The following VSIG4 variants were observed in gnomAD, a reference collection of about 807,000 sequenced individuals.
The protein encoded by VSIG4 is V-set and immunoglobulin domain containing 4.
Under a neutral mutation model 23.4 loss-of-function variants are expected in VSIG4, and 34 were observed. The observed-to-expected ratio is 1.45, with a 90% CI of 1.10 to 1.93. The LOEUF (loss-of-function observed/expected upper bound fraction) is 1.93. Ranked by LOEUF, VSIG4 falls within the 30% of genes most tolerant of loss-of-function variation. The pLI, the probability that VSIG4 is intolerant of heterozygous loss-of-function variation, is 0.00. For missense variants in VSIG4, 433 were observed against 310.8 expected, an observed-to-expected ratio of 1.39 and a Z score of -2.96; for synonymous variants, 169 against 120.3, an observed-to-expected ratio of 1.41 and a Z score of -2.65.
intron 1 of VSIG4, among the ~76,000 whole-genome samples, chrX:66,036,347 G>A (rs2085540016): frequency 9.3e-6 from 1 of 107,999 alleles, no homozygotes; most frequent in Admixed American, 1.0e-4. Context: ...CCAAAGTGAA[G>A]TAAACCACAA....
rs773046752 is a variant in VSIG4 at position 66,022,165 on chromosome X, G to A, written c.*98C>T. ...CCAGTGTTGGTAGGCGGACACTTTG[G>A]GCTATCCAGGAAGAGAGGTAGCAGG... On this transcript the variant is annotated 3_prime_UTR_variant, in exon 8 of 8. Transcript: ENST00000374737. 1.1e-5 allele frequency: 13 copies of A among 1,204,577 alleles called. No individual in the cohort carries two copies. Among genetic ancestry groups the A allele is most frequent in the South Asian group, 1.8e-5 (1 of 55,977 alleles).
chrX:66,027,305 C>T (rs1214497054), intron 5 of VSIG4, 144 bp downstream of exon 5: 3 of 518,570 alleles, frequency 5.8e-6, no homozygotes, highest in Non-Finnish European at 1.0e-5. Flanking sequence ...TTTACCCATC[C>T]TCAGTGCCCT....
In VSIG4 at chrX:66,032,722, G is replaced by T. The variant is rs1452596685; in HGVS notation, c.440C>A (p.Thr147Asn). ...CACCGTGAAGCCATAACCGCTGCCA[G>T]TTGTCACTGTGGGCTTGGAGACAGA... ...KLSVSKPTVT[T>N]GSGYGFTVPQ... The change falls in exon 3 of 8, where the codon ACT becomes AAT. Residue 147 changes from threonine to asparagine, a missense_variant. Physicochemically the swap from Thr to Asn is moderately conservative, Grantham distance 65 (BLOSUM62 0). Transcript: ENST00000374737. The T allele has an allele frequency of 1.7e-6, 2 of 1,211,443 alleles. No individual in the cohort carries two copies. The highest frequency in any genetic ancestry group is 2.2e-6 in the Non-Finnish European group (2 of 895,328).
chrX:66,024,747 G>C (rs1013746387), intron 6 of VSIG4, among the ~76,000 whole-genome samples: 3 of 111,811 alleles, frequency 2.7e-5, no homozygotes, highest in Non-Finnish European at 5.6e-5. Context: ...CTTGAGGCCA[G>C]GGATTGTGAC....
At chrX:66,028,671 G>T (rs2147661419) in intron 3 of VSIG4, among the ~76,000 whole-genome samples, 1 of 105,619 alleles carries the variant, frequency 9.5e-6, no homozygotes, top group East Asian at 3.0e-4. Flanking sequence ...AGAACAGCAA[G>T]CTTTGTGCTG....
chrX:66,038,847 C>G lies in VSIG4; in HGVS notation c.55+1097G>C, dbSNP rs143486426. ...AGGGTAACCTAATCAGAGTCAGCTA[C>G]GGAAAGCTGGATTCTTTCTGACCTA... On this transcript the variant is annotated intron_variant, in intron 1 of 7. Transcript: ENST00000374737. 4.1e-3 allele frequency among the ~76,000 whole-genome samples: 455 copies of G among 111,272 alleles called. 4 individuals are homozygous for G. Among genetic ancestry groups the G allele is most frequent in the African/African-American group, 0.014 (431 of 30,651 alleles).
At chrX:66,022,926 A>C in intron 6 of VSIG4, 64 bp from the exon 7 acceptor site, 1 of 1,132,948 alleles carries the variant, frequency 8.8e-7, no homozygotes, top group Non-Finnish European at 1.2e-6. Context: ...TCAATCATGG[A>C]TCCTGGGTAC....
chrX:66,028,000 T>A, intron 4 of VSIG4, 50 bp downstream of exon 4: 1 of 1,117,139 alleles, frequency 9.0e-7, no homozygotes, highest in Non-Finnish European at 1.2e-6. Context: ...TTGGCTACGA[T>A]GACACCATTT....
chrX:66,029,527 C>T (rs1483174260), intron 3 of VSIG4, among the ~76,000 whole-genome samples: 1 of 110,768 alleles, frequency 9.0e-6, no homozygotes, highest in Non-Finnish European at 1.9e-5. Context: ...AATATATACT[C>T]AATAAATATT....
intron 1 of VSIG4, among the ~76,000 whole-genome samples, chrX:66,037,021 T>G (rs2085583200): frequency 2.5e-5 from 1 of 40,040 alleles, no homozygotes; most frequent in South Asian, 2.0e-3. Context: ...TATCATATAA[T>G]ATAATATATA....
intron 3 of VSIG4, among the ~76,000 whole-genome samples, chrX:66,028,962 C>T (rs2085430881): frequency 9.0e-6 from 1 of 111,547 alleles, no homozygotes; most frequent in African/African-American, 3.3e-5. Flanking sequence ...ACCAAAATAG[C>T]CTTAAAAATG....
At chrX:66,027,945 C>A in intron 4 of VSIG4, 105 bp downstream of exon 4, 1 of 741,818 alleles carries the variant, frequency 1.3e-6, no homozygotes, top group Non-Finnish European at 2.1e-6. Flanking sequence ...TCTGAGGAAC[C>A]AAGTGACTGT....
intron 1 of VSIG4, among the ~76,000 whole-genome samples, chrX:66,036,658 T>G (rs1209189535): frequency 1.4e-5 from 1 of 69,529 alleles, no homozygotes; most frequent in Non-Finnish European, 2.5e-5. Flanking sequence ...TAATATAATA[T>G]ATAATATAAT....
In VSIG4 at chrX:66,022,327, C is replaced by A. The variant is rs201625014; in HGVS notation, c.1136G>T (p.Arg379Leu). Residue 379 changes from arginine (R) to leucine (L), a missense_variant, in exon 8 of 8, where the codon CGC becomes CTC. Coordinates refer to ENST00000374737, the MANE Select transcript of VSIG4 (RefSeq NM_007268.3). ...IIAQINGNYA[R>L]LLDTVPLDYE... ...ATCCAGAGGAACTGTGTCCAGCAGG[C>A]GGGCGTAGTTGCCATTGATCTGGGC... 1.7e-6 allele frequency: 2 copies of A among 1,211,014 alleles called. No homozygotes were observed. Among genetic ancestry groups the A allele is most frequent in the Non-Finnish European group, 2.2e-6 (2 of 895,410 alleles).
At chrX:66,025,936 G>T (rs971742813) in intron 5 of VSIG4, among the ~76,000 whole-genome samples, 3 of 112,053 alleles carry the variant, frequency 2.7e-5, no homozygotes, top group Admixed American at 9.5e-5. Context: ...TTTGATTTTA[G>T]CTCAGTGATA....
intron 3 of VSIG4, among the ~76,000 whole-genome samples, chrX:66,031,537 C>T (rs1469236167): frequency 9.1e-6 from 1 of 110,407 alleles, no homozygotes. Context: ...AGGTTTACGC[C>T]CTCTCCTTAC....
chrX:66,030,902 A>G (rs2085456655), intron 3 of VSIG4, among the ~76,000 whole-genome samples: 1 of 111,273 alleles, frequency 9.0e-6, no homozygotes, highest in Admixed American at 9.6e-5. Flanking sequence ...TCATTCTAGA[A>G]CTAAAGAACA....
At chrX:66,033,930 C>A (rs1286335629) in intron 1 of VSIG4, 100 bp from the exon 2 acceptor site, 1 of 656,716 alleles carries the variant, frequency 1.5e-6, no homozygotes, top group Non-Finnish European at 2.3e-6. Context: ...TGAGAAATGC[C>A]ACTCAACTTT....
intron 5 of VSIG4, among the ~76,000 whole-genome samples, chrX:66,026,525 G>A (rs895292278): frequency 1.8e-5 from 2 of 111,641 alleles, no homozygotes; most frequent in Non-Finnish European, 3.8e-5. Flanking sequence ...GGAGAGGAAC[G>A]GAGCTATGGA....
Sources: allele counts gnomAD v4.1 joint callset (sites outside exome capture counted in the v4.1 genomes callset), GRCh38; gene constraint gnomAD v4.1.1; transcripts MANE v1.5; gene names NCBI Gene and HGNC (gene_info 2026-07-23, HGNC 2026-07-21).